Variants in CDK14 observed in about 807,000 individuals in gnomAD.
CDK14 encodes the protein cyclin-dependent kinase 14.
A neutral mutation model predicts 60.7 loss-of-function variants in CDK14; 34 were observed. The observed-to-expected ratio is 0.56, with a 90% CI of 0.43 to 0.75. The LOEUF (loss-of-function observed/expected upper bound fraction) is 0.75, where lower values mean the gene tolerates loss of function less well. Among genes scored for constraint, CDK14 ranks in the 30% least tolerant of loss-of-function variants. The pLI is 0.00. For synonymous variants in CDK14, 197 were observed against 203.7 expected, an observed-to-expected ratio of 0.97 and a Z score of 0.28; for missense variants, 482 against 564.1, an observed-to-expected ratio of 0.85 and a Z score of 1.47.
chr7:90,984,233 A>G lies in CDK14; in HGVS notation c.1033A>G (p.Ile345Val). 6.2e-7 allele frequency: 1 copy of G among 1,605,424 alleles called. No homozygotes were observed. The highest frequency in any genetic ancestry group is 8.5e-7 in the Non-Finnish European group (1 of 1,172,052). ...MKDIQDQLER[I>V]FLVLGTPNED... Reference sequence around the variant, plus strand: ...AGACATTCAGGATCAACTTGAACGAATATTTCTGGTAAGTCCTTTACAGAG... The same window carrying G: ...AGACATTCAGGATCAACTTGAACGAGTATTTCTGGTAAGTCCTTTACAGAG... The change falls in exon 10 of 15, where the codon ATA becomes GTA. Residue 345 changes from isoleucine to valine, a missense_variant. Physicochemically the swap from Ile to Val is conservative, Grantham distance 29. Coordinates refer to ENST00000380050, the MANE Select transcript of CDK14 (RefSeq NM_001287135.2).
At chr7:90,676,689 C>T (rs1801206184) in intron 2 of CDK14, among the ~76,000 whole-genome samples, 1 of 152,022 alleles carries the variant, frequency 6.6e-6, no homozygotes, top group Admixed American at 6.6e-5. Context: ...GATACTACCA[C>T]ACTTGGTTAG....
At chr7:91,151,086 G>A (rs1584133730) in intron 14 of CDK14, among the ~76,000 whole-genome samples, 1 of 152,286 alleles carries the variant, frequency 6.6e-6, no homozygotes, top group South Asian at 2.1e-4. Context: ...CCATGAAGCA[G>A]ACATAATTTA....
chr7:90,869,905 G>C (rs1209427718), intron 6 of CDK14, among the ~76,000 whole-genome samples: 1 of 152,144 alleles, frequency 6.6e-6, no homozygotes, highest in Non-Finnish European at 1.5e-5. Context: ...TGCCAATGTT[G>C]CCAAAATGGG....
intron 4 of CDK14, among the ~76,000 whole-genome samples, chr7:90,758,997 AGT>A (rs1562756254): frequency 6.6e-6 from 1 of 150,696 alleles, no homozygotes; most frequent in African/African-American, 2.4e-5. Flanking sequence ...CAGAGGTTGC[AGT>A]GAGTCGAGAT....
chr7:90,624,587 T>C (rs1480068263), intron 2 of CDK14, among the ~76,000 whole-genome samples: 1 of 152,212 alleles, frequency 6.6e-6, no homozygotes, highest in East Asian at 1.9e-4. Flanking sequence ...GAGAAGTGGC[T>C]AGCAACCATC....
intron 14 of CDK14, among the ~76,000 whole-genome samples, chr7:91,144,077 G>A (rs1333031775): frequency 6.6e-6 from 1 of 152,042 alleles, no homozygotes; most frequent in Non-Finnish European, 1.5e-5. Flanking sequence ...AGAAGCTTTG[G>A]CTACCTCTAA....
At chr7:91,169,696 T>C (rs1472054000) in intron 14 of CDK14, among the ~76,000 whole-genome samples, 2 of 152,156 alleles carry the variant, frequency 1.3e-5, no homozygotes, top group African/African-American at 4.8e-5. Context: ...CTGCCAGAAA[T>C]GATGTGCAGC....
chr7:90,924,286 C>T (rs1793346157), intron 8 of CDK14, among the ~76,000 whole-genome samples: 1 of 152,184 alleles, frequency 6.6e-6, no homozygotes, highest in Admixed American at 6.5e-5. Flanking sequence ...AATACATTAA[C>T]CCATGAATGG....
At chr7:91,056,712 T>C (rs955802662) in intron 11 of CDK14, among the ~76,000 whole-genome samples, 59 of 152,322 alleles carry the variant, frequency 3.9e-4, no homozygotes, top group Middle Eastern at 6.8e-3. Context: ...TCCAGCTTCA[T>C]CCATGTCCCT....
At chr7:90,647,510 C>CTTT (rs35863423) in intron 2 of CDK14, among the ~76,000 whole-genome samples, 1 of 147,722 alleles carries the variant, frequency 6.8e-6, no homozygotes, top group Non-Finnish European at 1.5e-5. Context: ...ATTTTTTTAT[C>CTTT]TTTTTTTTTT....
chr7:90,647,395 A>G (rs1329192564), intron 2 of CDK14, among the ~76,000 whole-genome samples: 2 of 152,166 alleles, frequency 1.3e-5, no homozygotes, highest in Non-Finnish European at 2.9e-5. Flanking sequence ...CTTGCTTTAC[A>G]ATGTTTCAGT....
chr7:90,983,814 C>G (rs890078126), intron 9 of CDK14, among the ~76,000 whole-genome samples: 1 of 151,938 alleles, frequency 6.6e-6, no homozygotes, highest in African/African-American at 2.4e-5. Flanking sequence ...GGGAGCTAAA[C>G]ATCAGGTACT....
chr7:90,638,864 G>A (rs963699049), intron 2 of CDK14, among the ~76,000 whole-genome samples: 14 of 150,898 alleles, frequency 9.3e-5, no homozygotes, highest in East Asian at 5.9e-4. Context: ...TTCCCTTCTC[G>A]CTTCATTTCA....
chr7:90,972,694 T>G (rs1056095703), intron 9 of CDK14, among the ~76,000 whole-genome samples: 3 of 152,236 alleles, frequency 2.0e-5, no homozygotes, highest in Admixed American at 1.3e-4. Flanking sequence ...TAGATTATGT[T>G]TTGCATTTAA....
chr7:91,005,082 G>T (rs962618954), intron 10 of CDK14, among the ~76,000 whole-genome samples: 40 of 152,180 alleles, frequency 2.6e-4, no homozygotes, highest in African/African-American at 9.4e-4. Flanking sequence ...GCCCATAGCA[G>T]CAGGACAGAG....
chr7:91,094,748 C>T (rs1290522034), intron 12 of CDK14, among the ~76,000 whole-genome samples: 2 of 152,072 alleles, frequency 1.3e-5, no homozygotes, highest in South Asian at 2.1e-4. Context: ...AAAATCTCAG[C>T]GATCAAGATA....
chr7:91,121,871 T>C (rs1166853775), intron 14 of CDK14, among the ~76,000 whole-genome samples: 2 of 152,220 alleles, frequency 1.3e-5, no homozygotes, highest in Non-Finnish European at 2.9e-5. Flanking sequence ...GACTGGAAGC[T>C]GTATTGAATA....
At chr7:91,016,971 C>T (rs929268950) in intron 10 of CDK14, among the ~76,000 whole-genome samples, 4 of 152,090 alleles carry the variant, frequency 2.6e-5, no homozygotes, top group Non-Finnish European at 4.4e-5. Flanking sequence ...AAATAAGCAA[C>T]AAAATGATAT....
At chr7:90,790,080 C>CA (rs998527740) in intron 4 of CDK14, among the ~76,000 whole-genome samples, 1 of 131,132 alleles carries the variant, frequency 7.6e-6, no homozygotes, top group African/African-American at 2.9e-5. Context: ...GAAAAAAAAA[C>CA]AAAAAAAGGG....
Sources: allele counts gnomAD v4.1 joint callset (sites outside exome capture counted in the v4.1 genomes callset), GRCh38; gene constraint gnomAD v4.1.1; transcripts MANE v1.5; gene names NCBI Gene and HGNC (gene_info 2026-07-23, HGNC 2026-07-21).